The following IPPK variants were observed in gnomAD, a reference collection of about 807,000 sequenced individuals.
The protein encoded by IPPK is IPK1 homolog.
A neutral mutation model predicts 64.6 loss-of-function variants in IPPK; 22 were observed. The observed-to-expected ratio is 0.34, with a 90% CI of 0.24 to 0.49. The LOEUF (loss-of-function observed/expected upper bound fraction) is 0.49. Ranked by LOEUF, IPPK falls within the 20% of genes least tolerant of loss-of-function variation. The pLI is 0.99. For synonymous variants in IPPK, 262 were observed against 247.2 expected, an observed-to-expected ratio of 1.06 and a Z score of -0.56; for missense variants, 532 against 630.7, an observed-to-expected ratio of 0.84 and a Z score of 1.68.
chr9:92,642,745 C>G lies in IPPK; in HGVS notation c.563+7G>C. ...CACAAGGGGGCAAAGGAGAAGTGTT[C>G]TCTTACCCTGAGTAGAGATCAAGGG... On this transcript the variant is annotated splice_region_variant and intron_variant, in intron 7 of 12. Transcript: ENST00000287996. 1 of 1,613,590 alleles carries G rather than the reference C, an allele frequency of 6.2e-7. No individual in the cohort carries two copies. The highest frequency in any genetic ancestry group is 1.3e-5 in the African/African-American group (1 of 75,048).
chr9:92,617,485 G>C (rs1020275520), intron 12 of IPPK: 3 of 152,884 alleles, frequency 2.0e-5, no homozygotes, highest in Admixed American at 6.5e-5. Context: ...TCCTGACACA[G>C]AAATGCTCTT....
In IPPK at chr9:92,615,820, G is replaced by A; in HGVS notation, c.*12C>T. On this transcript the variant is annotated 3_prime_UTR_variant, in exon 13 of 13. Transcript: ENST00000287996. ...ATTATGTTCAAGTTTCAAAGACACT[G>A]CAGGGAAAGAGTTAGACCTTGTGGA... The A allele has an allele frequency of 6.3e-7, 1 of 1,582,828 alleles. No homozygotes were observed. Among genetic ancestry groups the A allele is most frequent in the Non-Finnish European group, 8.7e-7 (1 of 1,151,624 alleles).
chr9:92,666,551 G>C (rs538954988), intron 1 of IPPK, among the ~76,000 whole-genome samples: 1 of 152,234 alleles, frequency 6.6e-6, no homozygotes, highest in South Asian at 2.1e-4. Flanking sequence ...TGGAGCTCCA[G>C]ACACACACCA....
intron 2 of IPPK, among the ~76,000 whole-genome samples, chr9:92,657,381 A>G (rs990224224): frequency 6.6e-6 from 1 of 151,906 alleles, no homozygotes; most frequent in African/African-American, 2.4e-5. Flanking sequence ...CCTGGTCAAC[A>G]GAAAAGTTAC....
rs79610860 is a variant in IPPK, at chr9:92,635,024, G to A, written c.1067+134C>T. ...AGAGCAGGCCTGGGCACCTGGGAGC[G>A]GAGGACTGGGGTAGGAAGTGGCCGG... On this transcript the variant is annotated intron_variant, in intron 10 of 12. Coordinates refer to ENST00000287996, the MANE Select transcript of IPPK (RefSeq NM_022755.6). The surrounding 1 kb of genome is among the most constrained non-coding windows in gnomAD (Gnocchi z 4.4). The A allele has an allele frequency of 1.8e-3, 1,431 of 785,312 alleles. 9 individuals are homozygous for A. The highest frequency in any genetic ancestry group is 0.013 in the African/African-American group (755 of 56,892). The allele number at this position is 785,312 out of a possible 1,614,324, so 48.6% of individuals were successfully genotyped here. A position where few individuals can be genotyped will look rare whatever the true frequency, so the allele number is the denominator to read the frequency against.
intron 8 of IPPK, among the ~76,000 whole-genome samples, chr9:92,639,456 C>A (rs934720214): frequency 6.6e-6 from 1 of 152,208 alleles, no homozygotes; most frequent in African/African-American, 2.4e-5. Flanking sequence ...AGGTAACATG[C>A]CTTGGCGGTG....
chr9:92,639,619 A>G (rs893817880), intron 8 of IPPK, among the ~76,000 whole-genome samples: 2 of 152,184 alleles, frequency 1.3e-5, no homozygotes, highest in African/African-American at 4.8e-5. Flanking sequence ...TGCAGGCCAG[A>G]TGGGGTCAGA....
At chr9:92,636,859 T>C (rs1851952396) in intron 9 of IPPK, among the ~76,000 whole-genome samples, 1 of 152,180 alleles carries the variant, frequency 6.6e-6, no homozygotes, top group Non-Finnish European at 1.5e-5. Flanking sequence ...TGGCGCCTCC[T>C]GTTGGTGCCC....
At chr9:92,644,056 G>A (rs141874985) in intron 6 of IPPK, among the ~76,000 whole-genome samples, 8 of 152,212 alleles carry the variant, frequency 5.3e-5, no homozygotes, top group East Asian at 1.9e-4. Context: ...TCACATAACC[G>A]TCTTTCCCCT....
intron 10 of IPPK, among the ~76,000 whole-genome samples, chr9:92,634,883 C>T (rs948171756): frequency 6.6e-6 from 1 of 152,224 alleles, no homozygotes; most frequent in Non-Finnish European, 1.5e-5. Context: ...TGTGGAGCAA[C>T]ACTGCCCTCT....
At chr9:92,647,954 T>C (rs1852182404) in intron 6 of IPPK, 105 bp downstream of exon 6, 2 of 683,226 alleles carry the variant, frequency 2.9e-6, no homozygotes, top group Admixed American at 3.2e-5. Flanking sequence ...CAACTAAAAA[T>C]ATCCATATTT....
At chr9:92,651,959 C>T (rs1852275494) in intron 4 of IPPK, among the ~76,000 whole-genome samples, 1 of 152,098 alleles carries the variant, frequency 6.6e-6, no homozygotes, top group African/African-American at 2.4e-5. Flanking sequence ...TCACGCTGGT[C>T]TCGAACTCCT....
intron 8 of IPPK, among the ~76,000 whole-genome samples, chr9:92,639,028 CTTAT>C (rs1220567080): frequency 1.3e-5 from 2 of 152,104 alleles, no homozygotes; most frequent in East Asian, 1.9e-4. Flanking sequence ...CTCTTTAAAC[CTTAT>C]TTATTTCTTT....
intron 1 of IPPK, among the ~76,000 whole-genome samples, chr9:92,662,637 A>C (rs1470802466): frequency 6.6e-6 from 1 of 152,238 alleles, no homozygotes; most frequent in East Asian, 1.9e-4. Context: ...CCAAGGCCCA[A>C]GCCACACCTT....
chr9:92,633,517 C>T (rs1343890948), intron 11 of IPPK, among the ~76,000 whole-genome samples: 1 of 152,180 alleles, frequency 6.6e-6, no homozygotes, highest in Non-Finnish European at 1.5e-5. Flanking sequence ...CACGCCACTA[C>T]GTCCAGCTAA....
chr9:92,633,212 C>T (rs989409568), intron 11 of IPPK, among the ~76,000 whole-genome samples: 6 of 151,928 alleles, frequency 3.9e-5, no homozygotes, highest in Admixed American at 1.3e-4. Flanking sequence ...GGGGTTTGAC[C>T]ATGTTAGCCA....
At chr9:92,642,206 C>G (rs118072634) in intron 7 of IPPK, among the ~76,000 whole-genome samples, 5,996 of 152,382 alleles carry the variant, frequency 0.039, 181 homozygotes, top group South Asian at 0.11. Flanking sequence ...ACCACAAAGG[C>G]TCTGGCCAGG....
rs74359951 is a variant in IPPK at position 92,615,154 on chromosome 9, A to G, written c.*678T>C. 6.9e-6 allele frequency: 1 copy of G among 145,658 alleles called. No homozygotes were observed. The highest frequency in any genetic ancestry group is 1.5e-5 in the Non-Finnish European group (1 of 65,702). 9.0% of individuals were successfully genotyped at this position (145,658 alleles called of 1,614,324 possible). ...CATGTGAAAGATTAAATTGTAAAGCAAAAAAAAAAAGGTCAATGCTCGCAT... is the reference window on the plus strand; with the variant it reads ...CATGTGAAAGATTAAATTGTAAAGCGAAAAAAAAAAGGTCAATGCTCGCAT... On this transcript the variant is annotated 3_prime_UTR_variant, in exon 13 of 13. Transcript: ENST00000287996.
At chr9:92,641,491 C>G (rs1391920147) in intron 7 of IPPK, among the ~76,000 whole-genome samples, 1 of 152,204 alleles carries the variant, frequency 6.6e-6, no homozygotes, top group Admixed American at 6.5e-5. Flanking sequence ...TTAATAAATT[C>G]TCAACAATGA....
Sources: allele counts gnomAD v4.1 joint callset (sites outside exome capture counted in the v4.1 genomes callset), GRCh38; gene constraint gnomAD v4.1.1; non-coding constraint Gnocchi (gnomAD v3.1); transcripts MANE v1.5; gene names NCBI Gene and HGNC (gene_info 2026-07-23, HGNC 2026-07-21).